The following LMO4 variants were observed in gnomAD, a reference collection of about 807,000 sequenced individuals.
LMO4 encodes the protein LIM domain transcription factor LMO4.
A neutral mutation model predicts 18.5 loss-of-function variants in LMO4; 3 were observed. The ratio of observed to expected loss-of-function variants is 0.16; its 90% CI spans 0.07 to 0.42. LMO4 has a LOEUF of 0.42. Ranked by LOEUF, LMO4 falls within the 10% of genes least tolerant of loss-of-function variation. The probability of loss-of-function intolerance (pLI) is 0.99; values close to 1 mark genes in which losing one functional copy is unlikely to be tolerated. For synonymous variants in LMO4, 100 were observed against 88.1 expected (o/e 1.14, Z -0.76); for missense variants, 121 against 219.9 (o/e 0.55, Z 2.84).
intron 2 of LMO4, among the ~76,000 whole-genome samples, chr1:87,335,309 G>GCT (rs1650274097): frequency 6.6e-6 from 1 of 152,166 alleles, no homozygotes; most frequent in Admixed American, 6.5e-5. Flanking sequence ...GGCGGGTGGG[G>GCT]CTCCAGGTCC....
At chr1:87,337,085 T>A (rs1650337815) in intron 2 of LMO4, among the ~76,000 whole-genome samples, 1 of 152,228 alleles carries the variant, frequency 6.6e-6, no homozygotes, top group African/African-American at 2.4e-5. Flanking sequence ...ACGTAAGTTA[T>A]TCTGCTCTGA....
chr1:87,332,130 A>G lies in LMO4; in HGVS notation c.115A>G (p.Met39Val), dbSNP rs1650174236. 3 of 1,614,062 alleles carry G rather than the reference A, an allele frequency of 1.9e-6. No individual in the cohort carries two copies. The highest frequency in any genetic ancestry group is 2.5e-6 in the Non-Finnish European group (3 of 1,180,044). Residue 39 changes from methionine (M) to valine (V), a missense_variant, in exon 2 of 5, where the codon ATG (methionine) becomes GTG (valine). Physicochemically the swap from Met to Val is conservative, Grantham distance 21 (BLOSUM62 1). Transcript: ENST00000370544. ...TGCGGACCGCTTTCTGCTCTATGCC[A>G]TGGACAGCTATTGGCACAGCCGGTG... The part of the protein sequence containing the change: ...KIADRFLLYA[M>V]DSYWHSRCLK...
Position 87,347,424 on chromosome 1 carries a change from G to C in LMO4, c.*2628G>C, listed in dbSNP as rs142253228. On this transcript the variant is annotated 3_prime_UTR_variant, in exon 5 of 5. Coordinates refer to ENST00000370544, the MANE Select transcript of LMO4 (RefSeq NM_006769.4). ...GTTTATTCTGATGTGAGCAGCGATT[G>C]TGTGCAGTTCCTCCCCCAATCTCAA... The C allele has an allele frequency of 2.4e-3, 359 of 152,074 alleles. No homozygotes were observed. The highest frequency in any genetic ancestry group is 8.3e-3 in the African/African-American group (345 of 41,458). The allele number at this position is 152,074 out of a possible 1,614,324, so 9.4% of individuals were successfully genotyped here. A position where few individuals can be genotyped will look rare whatever the true frequency, so the allele number is the denominator to read the frequency against.
In LMO4 at chr1:87,340,069, G is replaced by A. The variant is rs532279574; in HGVS notation, c.356G>A (p.Arg119Gln). The change falls in exon 4 of 5, where the codon CGG becomes CAG. Residue 119 changes from arginine (R) to glutamine (Q), a missense_variant. Coordinates refer to ENST00000370544, the MANE Select transcript of LMO4 (RefSeq NM_006769.4). ...HLKCFTCSTCRNRLVPGDRFH... is the reference protein window; with the variant it reads ...HLKCFTCSTCQNRLVPGDRFH... The stretch of plus-strand genomic sequence containing the variant: ...CAGTGTTTTACATGCTCTACCTGCC[G>A]GAATCGCCTGGTCCCGGGAGATCGG... 26 of 1,613,672 alleles carry A rather than the reference G, an allele frequency of 1.6e-5. No individual in the cohort carries two copies. Among genetic ancestry groups the A allele is most frequent in the African/African-American group, 5.3e-5 (4 of 74,976 alleles).
intron 4 of LMO4, 47 bp from the exon 5 acceptor site, chr1:87,344,737 ATCTC>A (rs1557617309): frequency 6.3e-7 from 1 of 1,593,984 alleles, no homozygotes; most frequent in Admixed American, 1.7e-5. Context: ...TGAGTTTAAT[ATCTC>A]TCAAATTTAG....
At position 87,332,051 on chromosome 1, in the gene LMO4, G is replaced by A. The variant is rs368866009; in HGVS notation, c.36G>A (p.Pro12=). ...CGGGCAGCAGCTCGCAGCCGCCCCC[G>A]GTGACGGCCGGCTCCCTCTCCTGGA... is the stretch of plus-strand genomic sequence containing the variant. ...VNPGSSSQPP[P]VTAGSLSWKR... Residue 12 remains proline (P), a synonymous_variant, in exon 2 of 5, where the codon CCG becomes CCA. Coordinates refer to ENST00000370544, the MANE Select transcript of LMO4 (RefSeq NM_006769.4). The A allele has an allele frequency of 1.2e-6, 2 of 1,613,258 alleles. No homozygotes were observed. The highest frequency in any genetic ancestry group is 1.7e-6 in the Non-Finnish European group (2 of 1,179,918).
chr1:87,330,487 A>G (rs1570647713), intron 1 of LMO4, among the ~76,000 whole-genome samples: 1 of 152,320 alleles, frequency 6.6e-6, no homozygotes, highest in African/African-American at 2.4e-5. Context: ...CCTGTTTCCA[A>G]AGTCTCAGGG....
chr1:87,337,431 A>G (rs1004185610), intron 2 of LMO4, among the ~76,000 whole-genome samples: 3 of 152,202 alleles, frequency 2.0e-5, no homozygotes, highest in Non-Finnish European at 2.9e-5. Flanking sequence ...GGGTACTGTG[A>G]AAAGGGTATT....
chr1:87,333,370 A>G (rs1650206723), intron 2 of LMO4, among the ~76,000 whole-genome samples: 2 of 151,882 alleles, frequency 1.3e-5, no homozygotes, highest in South Asian at 2.1e-4. Context: ...ATTTCATCCT[A>G]TGTAAATTTG....
intron 1 of LMO4, 90 bp from the exon 2 acceptor site, chr1:87,331,923 G>A (rs1048534056): frequency 3.8e-6 from 4 of 1,050,872 alleles, no homozygotes; most frequent in Non-Finnish European, 5.7e-6. Context: ...GGGAGGAGGG[G>A]AATGGGCTTG....
Position 87,344,827 on chromosome 1 carries a change from C to T in LMO4, c.*31C>T. 6.2e-7 allele frequency: 1 copy of T among 1,612,674 alleles called. No homozygotes were observed. The highest frequency in any genetic ancestry group is 1.7e-5 in the Admixed American group (1 of 59,956). ...CAGAGTAATGCAGAATGCGTGCCTT[C>T]ATCTCAGATTTGTTCATCACAGGTG... On this transcript the variant is annotated 3_prime_UTR_variant, in exon 5 of 5. Transcript: ENST00000370544.
chr1:87,336,973 A>G (rs1650332235), intron 2 of LMO4, among the ~76,000 whole-genome samples: 1 of 146,252 alleles, frequency 6.8e-6, no homozygotes, highest in South Asian at 2.2e-4. Flanking sequence ...AAACGTTGTG[A>G]AAAAACACAC....
chr1:87,339,908 T>A, intron 3 of LMO4, 139 bp from the exon 4 acceptor site: 1 of 944,574 alleles, frequency 1.1e-6, no homozygotes, highest in Middle Eastern at 2.9e-4. Flanking sequence ...TCTGGAGATC[T>A]GTCAAAGGAA....
intron 1 of LMO4, chr1:87,331,361 A>C (rs1434512746): frequency 6.6e-6 from 1 of 151,928 alleles, no homozygotes; most frequent in Non-Finnish European, 1.5e-5. Context: ...CACTGCACCC[A>C]CCCCTCCCGT....
intron 4 of LMO4, among the ~76,000 whole-genome samples, chr1:87,341,582 G>C (rs1187836736): frequency 6.6e-6 from 1 of 152,032 alleles, no homozygotes; most frequent in East Asian, 1.9e-4. Context: ...ACAAATATTT[G>C]AAAACTTTTA....
At chr1:87,338,641 A>C (rs889555251) in intron 2 of LMO4, among the ~76,000 whole-genome samples, 1 of 152,178 alleles carries the variant, frequency 6.6e-6, no homozygotes, top group Non-Finnish European at 1.5e-5. Flanking sequence ...TCTTCAGTAC[A>C]CCACAATTCC....
At chr1:87,337,195 T>C (rs1650341864) in intron 2 of LMO4, among the ~76,000 whole-genome samples, 1 of 148,232 alleles carries the variant, frequency 6.7e-6, no homozygotes, top group Non-Finnish European at 1.5e-5. Context: ...TTTCAAACTT[T>C]GTAACTGTAA....
intron 2 of LMO4, among the ~76,000 whole-genome samples, chr1:87,337,177 C>T (rs757495835): frequency 2.0e-5 from 3 of 152,164 alleles, no homozygotes; most frequent in Non-Finnish European, 4.4e-5. Context: ...CTGGGTAGAT[C>T]TTGGTCATTT....
Position 87,345,817 on chromosome 1 carries a change from CT to C in LMO4, c.*1022del, listed in dbSNP as rs1650609104. On this transcript the variant is annotated 3_prime_UTR_variant, in exon 5 of 5. Coordinates refer to ENST00000370544, the MANE Select transcript of LMO4 (RefSeq NM_006769.4). The stretch of plus-strand genomic sequence containing the variant: ...GTCCTTTCTATAAGTCAAGAATATT[CT>C]GTTAACAGCATTTCGTTACACTTCT... The C allele has an allele frequency of 6.6e-6, 1 of 152,176 alleles. No homozygotes were observed. The highest frequency in any genetic ancestry group is 2.1e-4 in the South Asian group (1 of 4,832). 9.4% of individuals were successfully genotyped at this position (152,176 alleles called of 1,614,324 possible).
Sources: gnomAD v4.1 joint callset for allele counts (sites outside exome capture counted in the v4.1 genomes callset) on GRCh38, gnomAD v4.1.1 for gene constraint, MANE v1.5 for transcripts, NCBI Gene and HGNC (gene_info 2026-07-23, HGNC 2026-07-21) for gene names.